The following RASAL1 variants were observed in gnomAD, a reference collection of about 807,000 sequenced individuals.
RASAL1 encodes RAS protein activator like 1.
In RASAL1, 72 loss-of-function variants were observed where a neutral mutation model predicts 96.6. The ratio of observed to expected loss-of-function variants is 0.75; its 90% CI spans 0.62 to 0.91. The LOEUF is 0.91. RASAL1 is among the 40% of genes least tolerant of loss of function. RASAL1 has a pLI of 0.00. For synonymous variants in RASAL1, 405 were observed against 430.4 expected, an observed-to-expected ratio of 0.94 and a Z score of 0.73; for missense variants, 1,016 against 1,072.5, an observed-to-expected ratio of 0.95 and a Z score of 0.74.
chr12:113,114,988 G>GA, intron 11 of RASAL1, 76 bp from the exon 12 acceptor site: 1 of 1,244,058 alleles, frequency 8.0e-7, no homozygotes, highest in Non-Finnish European at 1.2e-6. Context: ...GCGCAGGGGG[G>GA]ACCATGCAGG....
rs944443814 is a variant in RASAL1 at position 113,135,212 on chromosome 12, C to T, written c.65+186G>A. Among the ~76,000 whole-genome samples, 13 of 152,272 alleles carry T rather than the reference C, an allele frequency of 8.5e-5. No homozygotes were observed. Among genetic ancestry groups the T allele is most frequent in the African/African-American group, 3.1e-4 (13 of 41,564 alleles). On this transcript the variant is annotated intron_variant, in intron 1 of 20. Transcript: ENST00000548055. The surrounding 1 kb of genome is among the most constrained non-coding windows in gnomAD (Gnocchi z 5.7). ...GGCATCTGCTAACTCTAGGCGCCCC[C>T]CTCCCACCGGGACAGCCATGGGCAT... is the stretch of plus-strand genomic sequence containing the variant.
In RASAL1 at chr12:113,105,760, C is replaced by G. The variant is rs1592890873; in HGVS notation, c.1784G>C (p.Trp595Ser). Residue 595 changes from tryptophan (W) to serine (S), a missense_variant, in exon 16 of 21, where the codon TGG becomes TCG. Trp to Ser is a radical substitution (Grantham distance 177). Transcript: ENST00000548055. ...GAAGGAGAGGGTCTCCCCGCTGAGC[C>G]AGACGTAGCGCTTCTTGAAGGCAAA... ...TRFAFKKRYV[W>S]LSGETLSFSK... 8 of 1,613,804 alleles carry G rather than the reference C, an allele frequency of 5.0e-6. No homozygotes were observed. In the East Asian group the frequency reaches 1.8e-4, roughly 36 times the overall value.
intron 20 of RASAL1, 129 bp downstream of exon 20, chr12:113,100,499 A>G: frequency 1.3e-6 from 1 of 742,636 alleles, no homozygotes; most frequent in East Asian, 3.1e-5. Flanking sequence ...GGGTTTCACC[A>G]TGTTGGCCAA....
intron 13 of RASAL1, among the ~76,000 whole-genome samples, chr12:113,110,714 G>A (rs551500239): frequency 6.6e-6 from 1 of 152,178 alleles, no homozygotes; most frequent in East Asian, 1.9e-4. Context: ...GAGGCTAGGA[G>A]TTCGAGACCC....
chr12:113,135,432 C>T lies in RASAL1; in HGVS notation c.31G>A (p.Val11Met), dbSNP rs7960087. 6.2e-7 allele frequency: 1 copy of T among 1,610,004 alleles called. No individual in the cohort carries two copies. The highest frequency in any genetic ancestry group is 8.5e-7 in the Non-Finnish European group (1 of 1,178,696). ...GCAGGCAGCGCGCGGCCCTCCACCACGCGAACATTCAGGGAGCTGCTCTTG... is the reference window on the plus strand; with the variant it reads ...GCAGGCAGCGCGCGGCCCTCCACCATGCGAACATTCAGGGAGCTGCTCTTG... MAKSSSLNVR[V>M]VEGRALPAKD... Residue 11 changes from valine to methionine, a missense_variant, in exon 1 of 21, where the codon GTG (valine) becomes ATG (methionine). Coordinates refer to ENST00000548055, the MANE Select transcript of RASAL1 (RefSeq NM_001301202.2). The surrounding 1 kb of genome is among the most constrained non-coding windows in gnomAD (Gnocchi z 5.7).
At chr12:113,107,730 TC>T (rs1304491241) in intron 14 of RASAL1, 2 of 390,786 alleles carry the variant, frequency 5.1e-6, no homozygotes, top group South Asian at 2.3e-5. Flanking sequence ...TTCTGTTCCC[TC>T]CCGAGCCCAG....
Position 113,099,968 on chromosome 12 carries a change from C to T in RASAL1, c.2379G>A (p.Gln793=), listed in dbSNP as rs12422659. Residue 793 remains glutamine (Q), a synonymous_variant, in exon 21 of 21, where the codon CAG becomes CAA. Coordinates refer to ENST00000548055, the MANE Select transcript of RASAL1 (RefSeq NM_001301202.2). ...GGCCCAGGGCCGCCTTCCCTCGCTCCTGCTGCTGGAACTCCTCGTGGGCAC... is the reference window on the plus strand; with the variant it reads ...GGCCCAGGGCCGCCTTCCCTCGCTCTTGCTGCTGGAACTCCTCGTGGGCAC... The part of the protein sequence containing the change: ...LDRAHEEFQQ[Q]ERGKAALGPL... 0.14 allele frequency: 223,052 copies of T among 1,613,418 alleles called. 17,028 individuals carry two copies. Among genetic ancestry groups the T allele is most frequent in the Middle Eastern group, 0.17 (985 of 5,928 alleles).
At chr12:113,101,094 C>T (rs779675601) in intron 19 of RASAL1, among the ~76,000 whole-genome samples, 14 of 152,158 alleles carry the variant, frequency 9.2e-5, no homozygotes, top group African/African-American at 1.4e-4. Flanking sequence ...CCCACGAGGT[C>T]GCCACCATTA....
intron 15 of RASAL1, 57 bp downstream of exon 15, chr12:113,107,040 T>G: frequency 6.5e-7 from 1 of 1,542,168 alleles, no homozygotes; most frequent in Non-Finnish European, 8.8e-7. Context: ...GGGAAGTCCC[T>G]GAGTGGTGTC....
rs753203042 is a variant in RASAL1, at chr12:113,115,726, G to C, written c.912C>G (p.Asp304Glu). The C allele has an allele frequency of 6.2e-7, 1 of 1,614,140 alleles. No homozygotes were observed. The highest frequency in any genetic ancestry group is 1.1e-5 in the South Asian group (1 of 91,072). Residue 304 changes from aspartate to glutamate, a missense_variant, in exon 10 of 21, where the codon GAC becomes GAG. Transcript: ENST00000548055. This position sits in a 1 kb window ranked among gnomAD's most constrained non-coding sequence, Gnocchi z 4.1. Reference protein sequence around the residue: ...EELTLGDCRQDLATKLVKLFL... With the variant: ...EELTLGDCRQELATKLVKLFL... ...AGAGTTTCACCAGCTTGGTGGCAAGGTCCTGGCGGCAGTCCCCCAAGGTCA... is the reference window on the plus strand; with the variant it reads ...AGAGTTTCACCAGCTTGGTGGCAAGCTCCTGGCGGCAGTCCCCCAAGGTCA...
chr12:113,102,995 AT>A, intron 18 of RASAL1: 1 of 247,246 alleles, frequency 4.0e-6, no homozygotes, highest in Admixed American at 5.6e-5. Flanking sequence ...CTCAGGTCAC[AT>A]TTAAGCAGCA....
intron 4 of RASAL1, among the ~76,000 whole-genome samples, chr12:113,124,933 C>T (rs910973496): frequency 3.3e-5 from 5 of 151,932 alleles, no homozygotes; most frequent in African/African-American, 1.2e-4. Context: ...AGGCAAATTC[C>T]AAATAGATCA....
intron 6 of RASAL1, 34 bp from the exon 7 acceptor site, chr12:113,119,293 A>G (rs1951201188): frequency 6.2e-7 from 1 of 1,611,206 alleles, no homozygotes; most frequent in Non-Finnish European, 8.5e-7. Context: ...TGAGTGGGAG[A>G]GCTGATGGGG....
intron 13 of RASAL1, among the ~76,000 whole-genome samples, chr12:113,111,655 G>A (rs372237710): frequency 1.3e-5 from 2 of 152,098 alleles, no homozygotes; most frequent in East Asian, 3.9e-4. Context: ...GTGCAGTGGC[G>A]CAATCTCGGC....
chr12:113,134,659 G>A (rs996342593), intron 1 of RASAL1, among the ~76,000 whole-genome samples: 3 of 152,194 alleles, frequency 2.0e-5, no homozygotes, highest in Non-Finnish European at 4.4e-5. Context: ...GGGGGAACCC[G>A]CCCCCCATAT....
chr12:113,132,038 C>T (rs1253535900), intron 1 of RASAL1, among the ~76,000 whole-genome samples: 2 of 142,954 alleles, frequency 1.4e-5, no homozygotes, highest in Non-Finnish European at 3.0e-5. Flanking sequence ...GTGGCGCGAT[C>T]TTGGTTCACT....
intron 4 of RASAL1, among the ~76,000 whole-genome samples, chr12:113,127,336 A>G (rs1951522318): frequency 1.3e-5 from 2 of 152,214 alleles, no homozygotes; most frequent in Non-Finnish European, 1.5e-5. Flanking sequence ...CTAGGCAAAC[A>G]AATTAACTGC....
chr12:113,105,715 T>G lies in RASAL1; in HGVS notation c.1829A>C (p.Gln610Pro). 2 of 1,601,894 alleles carry G rather than the reference T, an allele frequency of 1.2e-6. No homozygotes were observed. Among genetic ancestry groups the G allele is most frequent in the Non-Finnish European group, 1.7e-6 (2 of 1,172,050 alleles). ...CTCCATAGTGGACTGGAACCCCACC[T>G]GCCACTCAGGACTCTTGGAGAAGGA... The part of the protein sequence containing the change: ...TLSFSKSPEW[Q>P]MCHSIPVSHI... Residue 610 changes from glutamine to proline, a missense_variant and splice_region_variant, in exon 16 of 21, where the codon CAG becomes CCG. Coordinates refer to ENST00000548055, the MANE Select transcript of RASAL1 (RefSeq NM_001301202.2).
chr12:113,128,627 A>C (rs1345779320), intron 2 of RASAL1, among the ~76,000 whole-genome samples: 2 of 152,152 alleles, frequency 1.3e-5, no homozygotes, highest in Non-Finnish European at 2.9e-5. Flanking sequence ...CAACCAACAG[A>C]AACATATGTG....
Sources: allele counts gnomAD v4.1 joint callset (sites outside exome capture counted in the v4.1 genomes callset), GRCh38; gene constraint gnomAD v4.1.1; non-coding constraint Gnocchi (gnomAD v3.1); transcripts MANE v1.5; gene names NCBI Gene and HGNC (gene_info 2026-07-23, HGNC 2026-07-21).